Variants in GHR observed in about 807,000 individuals in gnomAD.
The protein encoded by GHR is GH receptor.
A neutral mutation model predicts 67.1 loss-of-function variants in GHR; 35 were observed. The ratio of observed to expected loss-of-function variants is 0.52; its 90% CI spans 0.40 to 0.69. GHR has a LOEUF of 0.69. Among genes scored for constraint, GHR ranks in the 30% least tolerant of loss-of-function variants. The pLI is 0.00. For missense variants in GHR, 792 were observed against 764.6 expected, an observed-to-expected ratio of 1.04 and a Z score of -0.42; for synonymous variants, 272 against 269.1, an observed-to-expected ratio of 1.01 and a Z score of -0.10.
intron 1 of GHR, among the ~76,000 whole-genome samples, chr5:42,510,144 C>T (rs1746949935): frequency 6.6e-6 from 1 of 152,118 alleles, no homozygotes; most frequent in Admixed American, 6.5e-5. Flanking sequence ...TTGGAGTCCC[C>T]CTTGACTCCT....
intron 8 of GHR, 96 bp from the exon 9 acceptor site, chr5:42,717,956 G>A (rs1758800540): frequency 2.8e-6 from 2 of 721,490 alleles, no homozygotes; most frequent in Non-Finnish European, 2.6e-6. Flanking sequence ...TTTGGAAAAA[G>A]TAATAGTATT....
chr5:42,695,758 A>G (rs1757643591), intron 5 of GHR, among the ~76,000 whole-genome samples: 1 of 152,246 alleles, frequency 6.6e-6, no homozygotes, highest in Non-Finnish European at 1.5e-5. Context: ...TAGTATAAAT[A>G]GCAAAATAGA....
At position 42,505,891 on chromosome 5, in the gene GHR, A is replaced by G. The variant is rs539273185; in HGVS notation, c.-11-59973A>G. On this transcript the variant is annotated intron_variant, in intron 1 of 9. Coordinates refer to ENST00000230882, the MANE Select transcript of GHR (RefSeq NM_000163.5). The stretch of plus-strand genomic sequence containing the variant: ...TAGTTTTGGTAAGTCACTTAACTTT[A>G]TCATACCATTCATGCATATTACCTA... Among the ~76,000 whole-genome samples, 5 of 152,312 alleles carry G rather than the reference A, an allele frequency of 3.3e-5. No homozygotes were observed. In the East Asian group the frequency reaches 9.6e-4, roughly 29 times the overall value.
rs575102297 is a variant in GHR, at chr5:42,474,727, A to C, written c.-12+50772A>C. ...TGTACTCTATACAAACAGAATGCTT[A>C]TACAAGACAATCAAAGAGGAATGGG... is the stretch of plus-strand genomic sequence containing the variant. On this transcript the variant is annotated intron_variant, in intron 1 of 9. Coordinates refer to ENST00000230882, the MANE Select transcript of GHR (RefSeq NM_000163.5). 5.3e-5 allele frequency among the ~76,000 whole-genome samples: 8 copies of C among 152,318 alleles called. No individual in the cohort carries two copies. In the East Asian group the frequency reaches 1.5e-3, roughly 29 times the overall value.
intron 2 of GHR, among the ~76,000 whole-genome samples, chr5:42,568,011 T>C (rs1750048521): frequency 1.3e-5 from 2 of 152,146 alleles, no homozygotes; most frequent in African/African-American, 4.8e-5. Context: ...TAGATTAAAT[T>C]TTTAAAAAGA....
chr5:42,476,512 C>T (rs991009654), intron 1 of GHR, among the ~76,000 whole-genome samples: 1 of 152,210 alleles, frequency 6.6e-6, no homozygotes. Flanking sequence ...AGCCACTGCA[C>T]CTGGCCTAAA....
chr5:42,644,941 T>C (rs9292855), intron 3 of GHR, among the ~76,000 whole-genome samples: 1 of 152,060 alleles, frequency 6.6e-6, no homozygotes, highest in Non-Finnish European at 1.5e-5. Flanking sequence ...CATGAGAATA[T>C]TATGAAGTAT....
chr5:42,663,820 T>C lies in GHR; in HGVS notation c.137-25070T>C, dbSNP rs938642348. Reference sequence around the variant, plus strand: ...AAGTCAACTTGTCCCTGTTTGCAGATGACATGATTGTATATCTAGAAAACC... The same window carrying C: ...AAGTCAACTTGTCCCTGTTTGCAGACGACATGATTGTATATCTAGAAAACC... On this transcript the variant is annotated intron_variant, in intron 3 of 9. Transcript: ENST00000230882. Among the ~76,000 whole-genome samples the C allele has an allele frequency of 2.6e-5, 4 of 152,258 alleles. No homozygotes were observed. The East Asian group carries it at 5.8e-4, about 22-fold the overall frequency.
At chr5:42,429,949 G>A in intron 1 of GHR, among the ~76,000 whole-genome samples, 1 of 152,186 alleles carries the variant, frequency 6.6e-6, no homozygotes, top group Non-Finnish European at 1.5e-5. Context: ...TAAATGAAGT[G>A]AAAGTACATC....
intron 6 of GHR, among the ~76,000 whole-genome samples, chr5:42,710,228 G>T (rs1463051049): frequency 6.6e-6 from 1 of 152,038 alleles, no homozygotes; most frequent in African/African-American, 2.4e-5. Context: ...AACTATTGAG[G>T]TAAAAGAAAA....
intron 3 of GHR, among the ~76,000 whole-genome samples, chr5:42,632,190 C>T (rs1321737796): frequency 6.6e-6 from 1 of 152,152 alleles, no homozygotes; most frequent in African/African-American, 2.4e-5. Context: ...GGCTACTTAC[C>T]ATTCCCCAGG....
intron 1 of GHR, among the ~76,000 whole-genome samples, chr5:42,523,727 G>A (rs1747576093): frequency 6.6e-6 from 1 of 152,068 alleles, no homozygotes; most frequent in Non-Finnish European, 1.5e-5. Flanking sequence ...ATATGGTTTG[G>A]TTGTGTCCCC....
intron 1 of GHR, among the ~76,000 whole-genome samples, chr5:42,447,648 C>T (rs568423534): frequency 6.6e-6 from 1 of 151,290 alleles, no homozygotes. Flanking sequence ...TTTCTTCCTT[C>T]CTTCCTTCTT....
intron 2 of GHR, among the ~76,000 whole-genome samples, chr5:42,597,018 GC>G (rs1752105205): frequency 6.6e-6 from 1 of 152,174 alleles, no homozygotes; most frequent in Admixed American, 6.5e-5. Context: ...TGACCAGGGT[GC>G]AGATTGTGTT....
At chr5:42,662,714 A>G (rs573002508) in intron 3 of GHR, among the ~76,000 whole-genome samples, 13 of 152,158 alleles carry the variant, frequency 8.5e-5, no homozygotes, top group Non-Finnish European at 1.8e-4. Context: ...GCAAGAGCAA[A>G]CACATTCAAA....
At chr5:42,463,160 T>C (rs1744559388) in intron 1 of GHR, among the ~76,000 whole-genome samples, 1 of 152,178 alleles carries the variant, frequency 6.6e-6, no homozygotes, top group Admixed American at 6.5e-5. Context: ...TTCCATTAAA[T>C]ATTACTGAGA....
At chr5:42,639,578 C>T (rs1754367950) in intron 3 of GHR, among the ~76,000 whole-genome samples, 3 of 152,162 alleles carry the variant, frequency 2.0e-5, no homozygotes, top group Admixed American at 2.0e-4. Context: ...TCCATCTATG[C>T]TCTGTGTTGT....
chr5:42,495,244 G>T (rs544717288), intron 1 of GHR, among the ~76,000 whole-genome samples: 1 of 152,164 alleles, frequency 6.6e-6, no homozygotes, highest in Admixed American at 6.5e-5. Flanking sequence ...TATCTAGTAA[G>T]ATAGAGTGTT....
intron 2 of GHR, among the ~76,000 whole-genome samples, chr5:42,587,957 T>C (rs1751572151): frequency 6.6e-6 from 1 of 152,336 alleles, no homozygotes; most frequent in South Asian, 2.1e-4. Flanking sequence ...AGGGCCAAGC[T>C]TCTGATAAGT....
Sources: gnomAD v4.1 joint callset for allele counts (sites outside exome capture counted in the v4.1 genomes callset) on GRCh38, gnomAD v4.1.1 for gene constraint, MANE v1.5 for transcripts, NCBI Gene and HGNC (gene_info 2026-07-23, HGNC 2026-07-21) for gene names.